The following CADM1 variants were observed in gnomAD, a reference collection of about 807,000 sequenced individuals.
The protein encoded by CADM1 is TSLC-1.
A neutral mutation model predicts 53.1 loss-of-function variants in CADM1; 15 were observed. The observed-to-expected ratio is 0.28, with a 90% CI of 0.19 to 0.44. CADM1 has a LOEUF of 0.44. CADM1 is among the 20% of genes least tolerant of loss of function. The pLI, the probability that CADM1 is intolerant of heterozygous loss-of-function variation, is 1.00. For missense variants in CADM1, 434 were observed against 611.3 expected (o/e 0.71, Z 3.06); for synonymous variants, 281 against 243.0 (o/e 1.16, Z -1.45).
chr11:115,269,705 G>A (rs754852445), intron 1 of CADM1, among the ~76,000 whole-genome samples: 27 of 152,130 alleles, frequency 1.8e-4, no homozygotes, highest in Non-Finnish European at 3.2e-4. Flanking sequence ...AAAGTTATAT[G>A]AGATTTCATA....
intron 1 of CADM1, among the ~76,000 whole-genome samples, chr11:115,492,613 G>A (rs917100503): frequency 5.3e-5 from 8 of 151,910 alleles, no homozygotes; most frequent in Admixed American, 2.6e-4. Flanking sequence ...AAAATCCTGC[G>A]CTCTACTTGG....
intron 1 of CADM1, among the ~76,000 whole-genome samples, chr11:115,317,769 C>G (rs561312629): frequency 6.6e-6 from 1 of 152,214 alleles, no homozygotes; most frequent in Non-Finnish European, 1.5e-5. Context: ...CATTAACAAA[C>G]TGCCCTTAAT....
Position 115,246,312 on chromosome 11 carries a change from T to C in CADM1, c.125-5892A>G, listed in dbSNP as rs556177690. Among the ~76,000 whole-genome samples, 14 of 152,372 alleles carry C rather than the reference T, an allele frequency of 9.2e-5. No homozygotes were observed. The East Asian group carries it at 1.2e-3, about 13-fold the overall frequency. On this transcript the variant is annotated intron_variant, in intron 1 of 11. Transcript: ENST00000331581. ...CAAACAGTTAAGTCAAATATGTTGATTGTCTGCTCCAAAGACTGTCTACTT... is the reference window on the plus strand; with the variant it reads ...CAAACAGTTAAGTCAAATATGTTGACTGTCTGCTCCAAAGACTGTCTACTT...
Position 115,277,644 on chromosome 11 carries a change from A to G in CADM1, c.125-37224T>C, listed in dbSNP as rs139441035. 2.8e-4 allele frequency among the ~76,000 whole-genome samples: 42 copies of G among 152,288 alleles called. No homozygotes were observed. The East Asian group carries it at 5.4e-3, about 20-fold the overall frequency. On this transcript the variant is annotated intron_variant, in intron 1 of 11. Coordinates refer to ENST00000331581, the MANE Select transcript of CADM1 (RefSeq NM_001301043.2). ...ATCCTCATGCTTGGTTCACATGAAGAAGGCTTCTGTTAATGGAGGAGAGAC... is the reference window on the plus strand; with the variant it reads ...ATCCTCATGCTTGGTTCACATGAAGGAGGCTTCTGTTAATGGAGGAGAGAC...
Position 115,325,046 on chromosome 11 carries a change from G to T in CADM1, c.125-84626C>A, listed in dbSNP as rs1430847138. On this transcript the variant is annotated intron_variant, in intron 1 of 11. Transcript: ENST00000331581. ...ACCGTGCCTATCACGTAAATGGAAGGTTCGTTAGAGCATCTATTAAGAGGA... is the reference window on the plus strand; with the variant it reads ...ACCGTGCCTATCACGTAAATGGAAGTTTCGTTAGAGCATCTATTAAGAGGA... Among the ~76,000 whole-genome samples, 3 of 152,128 alleles carry T rather than the reference G, an allele frequency of 2.0e-5. No homozygotes were observed. In the East Asian group the frequency reaches 5.8e-4, roughly 29 times the overall value.
At chr11:115,297,793 G>GA (rs1478305799) in intron 1 of CADM1, among the ~76,000 whole-genome samples, 2 of 152,196 alleles carry the variant, frequency 1.3e-5, no homozygotes, top group East Asian at 1.9e-4. Context: ...GTGAATTTGA[G>GA]AAATGCAGGT....
intron 1 of CADM1, among the ~76,000 whole-genome samples, chr11:115,268,530 A>T (rs1285403620): frequency 6.6e-6 from 1 of 152,172 alleles, no homozygotes; most frequent in Non-Finnish European, 1.5e-5. Context: ...CTCTGTGCTC[A>T]ATAAAAAAAG....
At chr11:115,456,048 C>T (rs1344886339) in intron 1 of CADM1, among the ~76,000 whole-genome samples, 1 of 152,098 alleles carries the variant, frequency 6.6e-6, no homozygotes, top group Non-Finnish European at 1.5e-5. Context: ...CTCCTGAGCA[C>T]TTAACTTTTT....
At chr11:115,503,663 G>A (rs1469073517) in intron 1 of CADM1, among the ~76,000 whole-genome samples, 4 of 152,220 alleles carry the variant, frequency 2.6e-5, no homozygotes, top group African/African-American at 9.6e-5. Context: ...ACGGCCGGAG[G>A]GAAACACGAG....
intron 1 of CADM1, among the ~76,000 whole-genome samples, chr11:115,261,679 C>G (rs952373293): frequency 1.3e-5 from 2 of 151,968 alleles, no homozygotes; most frequent in African/African-American, 4.8e-5. Context: ...GTTTCTTTTT[C>G]TGAAAATGTT....
intron 9 of CADM1, among the ~76,000 whole-genome samples, chr11:115,194,411 G>A (rs962231752): frequency 4.6e-5 from 7 of 152,176 alleles, no homozygotes; most frequent in African/African-American, 1.7e-4. Context: ...GTTTTCTAAG[G>A]GCTGTGCTCG....
chr11:115,461,114 A>C (rs1443574323), intron 1 of CADM1, among the ~76,000 whole-genome samples: 2 of 150,794 alleles, frequency 1.3e-5, no homozygotes, highest in African/African-American at 4.9e-5. Flanking sequence ...TGGAAATGGA[A>C]ACACACACAC....
intron 1 of CADM1, among the ~76,000 whole-genome samples, chr11:115,335,719 C>T (rs910081859): frequency 2.6e-5 from 4 of 152,088 alleles, no homozygotes; most frequent in Admixed American, 2.6e-4. Flanking sequence ...AATATTAGTT[C>T]ACTGAGTTAT....
chr11:115,456,073 TA>T (rs1948677772), intron 1 of CADM1, among the ~76,000 whole-genome samples: 1 of 152,094 alleles, frequency 6.6e-6, no homozygotes, highest in South Asian at 2.1e-4. Context: ...TTAATGATGG[TA>T]AAGGAGCCAT....
chr11:115,316,343 G>T (rs536403778), intron 1 of CADM1, among the ~76,000 whole-genome samples: 31 of 152,276 alleles, frequency 2.0e-4, no homozygotes, highest in African/African-American at 6.5e-4. Context: ...CAGTTGCAAA[G>T]GAGGCATTTA....
intron 1 of CADM1, among the ~76,000 whole-genome samples, chr11:115,316,442 G>T (rs773438948): frequency 6.6e-6 from 1 of 152,094 alleles, no homozygotes; most frequent in Non-Finnish European, 1.5e-5. Context: ...AAAGGAAGAG[G>T]CAGAGGTTTG....
At position 115,320,015 on chromosome 11, in the gene CADM1, C is replaced by T. The variant is rs1008925167; in HGVS notation, c.125-79595G>A. On this transcript the variant is annotated intron_variant, in intron 1 of 11. Coordinates refer to ENST00000331581, the MANE Select transcript of CADM1 (RefSeq NM_001301043.2). ...GCAAGTTACCTATATGCTGAGTAAA[C>T]GGGAAACAATCTAGTTCCATCTTTT... 3.3e-5 allele frequency among the ~76,000 whole-genome samples: 5 copies of T among 152,178 alleles called. 1 individual carries two copies. Among genetic ancestry groups the T allele is most frequent in the African/African-American group, 7.2e-5 (3 of 41,516 alleles).
At chr11:115,490,011 T>C (rs573650036) in intron 1 of CADM1, among the ~76,000 whole-genome samples, 3 of 152,258 alleles carry the variant, frequency 2.0e-5, no homozygotes, top group African/African-American at 7.2e-5. Context: ...AGGCCAAGCA[T>C]GAAGGACACT....
At chr11:115,245,332 A>C (rs1942375300) in intron 1 of CADM1, among the ~76,000 whole-genome samples, 1 of 152,222 alleles carries the variant, frequency 6.6e-6, no homozygotes, top group African/African-American at 2.4e-5. Context: ...TCAATATAGT[A>C]AGTTACTACT....
Sources: gnomAD v4.1 joint callset for allele counts (sites outside exome capture counted in the v4.1 genomes callset) on GRCh38, gnomAD v4.1.1 for gene constraint, MANE v1.5 for transcripts, NCBI Gene and HGNC (gene_info 2026-07-23, HGNC 2026-07-21) for gene names.